Variants in PREX1 observed in about 807,000 individuals in gnomAD.
The protein encoded by PREX1 is phosphatidylinositol 3,4,5-trisphosphate-dependent Rac exchanger 1 protein.
Under a neutral mutation model 198.3 loss-of-function variants are expected in PREX1, and 41 were observed. The ratio of observed to expected loss-of-function variants is 0.21; its 90% CI spans 0.16 to 0.27. The LOEUF is 0.27. Ranked by LOEUF, PREX1 falls within the 10% of genes least tolerant of loss-of-function variation. PREX1 has a pLI of 1.00. For missense variants in PREX1, 1,620 were observed against 2,200.7 expected, an observed-to-expected ratio of 0.74 and a Z score of 5.28; for synonymous variants, 843 against 887.2, an observed-to-expected ratio of 0.95 and a Z score of 0.89.
chr20:48,877,259 G>A, the PREX1 span, among the ~76,000 whole-genome samples: 3 of 144,244 alleles, frequency 2.1e-5, no homozygotes, highest in Non-Finnish European at 3.0e-5. Context: ...CAACAAGAGC[G>A]AAACTCCATC....
chr20:48,665,012 A>G (rs1357521450), intron 15 of PREX1, among the ~76,000 whole-genome samples: 130 of 74,252 alleles, frequency 1.8e-3, no homozygotes, highest in East Asian at 3.7e-3. Flanking sequence ...TCTAATCCCG[A>G]CTCCAGACGG....
chr20:48,659,233 A>AAAGGAAGGAAGG (rs373009346), intron 16 of PREX1, among the ~76,000 whole-genome samples: 1,262 of 98,930 alleles, frequency 0.013, 23 homozygotes, highest in African/African-American at 0.027. Context: ...GAGAGAAAGA[A>AAAGGAAGGAAGG]AAGGAAGGAA....
At chr20:48,682,184 G>A (rs1038857733) in intron 10 of PREX1, among the ~76,000 whole-genome samples, 3 of 151,996 alleles carry the variant, frequency 2.0e-5, no homozygotes, top group Non-Finnish European at 4.4e-5. Context: ...TCCCTGCCTC[G>A]GGGCTGCTGC....
chr20:48,855,036 A>G, the PREX1 span, among the ~76,000 whole-genome samples: 2 of 152,178 alleles, frequency 1.3e-5, no homozygotes. Flanking sequence ...GCTTAGTAAT[A>G]ACATACTTAA....
intron 6 of PREX1, among the ~76,000 whole-genome samples, chr20:48,704,257 G>A (rs565550181): frequency 4.6e-5 from 7 of 152,304 alleles, no homozygotes; most frequent in Non-Finnish European, 7.3e-5. Context: ...AACTCAGGCC[G>A]CTCTTCGAAG....
At chr20:48,692,484 G>T in intron 8 of PREX1, 188 bp downstream of exon 8, 1 of 533,586 alleles carries the variant, frequency 1.9e-6, no homozygotes, top group Non-Finnish European at 3.4e-6. Flanking sequence ...GGGGTGCAGT[G>T]TTTTATTTCT....
At chr20:48,888,140 G>A in the PREX1 span, among the ~76,000 whole-genome samples, 5 of 152,148 alleles carry the variant, frequency 3.3e-5, no homozygotes, top group East Asian at 7.7e-4. Flanking sequence ...TCATTGTGCA[G>A]GGCGAAAAGC....
In PREX1 at chr20:48,661,468, T is replaced by TACAC. The variant is rs778376565; in HGVS notation, c.1739-1411_1739-1408dup. Among the ~76,000 whole-genome samples the TACAC allele has an allele frequency of 5.0e-3, 387 of 76,702 alleles. 3 individuals carry two copies. Among genetic ancestry groups the TACAC allele is most frequent in the Middle Eastern group, 8.6e-3 (1 of 116 alleles). 50.3% of individuals were successfully genotyped at this position (76,702 alleles called of 152,430 possible). Reference sequence around the variant, plus strand: ...AAATATATATATATATATATATATATACACACACATATATATAATATAATA... The same window carrying TACAC: ...AAATATATATATATATATATATATATACACACACACACATATATATAATATAATA... On this transcript the variant is annotated intron_variant, in intron 15 of 39. Coordinates refer to ENST00000371941, the MANE Select transcript of PREX1 (RefSeq NM_020820.4).
intron 6 of PREX1, among the ~76,000 whole-genome samples, chr20:48,703,123 G>A (rs937811019): frequency 2.4e-4 from 36 of 152,198 alleles, no homozygotes; most frequent in African/African-American, 4.3e-4. Flanking sequence ...AACTGGTTCC[G>A]GCAGCTGAGA....
chr20:48,678,177 G>C (rs559920331), intron 13 of PREX1, among the ~76,000 whole-genome samples: 1 of 152,222 alleles, frequency 6.6e-6, no homozygotes, highest in Admixed American at 6.5e-5. Context: ...AGCCGGGCCT[G>C]GTGGTAGGCA....
chr20:48,709,016 C>A (rs775140785), intron 5 of PREX1, among the ~76,000 whole-genome samples: 2 of 152,110 alleles, frequency 1.3e-5, no homozygotes, highest in Admixed American at 1.3e-4. Context: ...ATGAGAAGCC[C>A]CCTGCCCCCA....
At chr20:48,676,354 C>A in intron 13 of PREX1, 86 bp from the exon 14 acceptor site, 3 of 1,289,902 alleles carry the variant, frequency 2.3e-6, no homozygotes, top group Non-Finnish European at 3.4e-6. Flanking sequence ...CAGGACGTGC[C>A]CACGAGTCAA....
intron 2 of PREX1, among the ~76,000 whole-genome samples, chr20:48,746,637 G>C (rs2090108676): frequency 6.6e-6 from 1 of 152,098 alleles, no homozygotes; most frequent in Non-Finnish European, 1.5e-5. Context: ...GGCAGTTGGG[G>C]CTGGGAAATG....
chr20:48,821,517 A>C (rs889085719), intron 1 of PREX1, among the ~76,000 whole-genome samples: 2 of 151,960 alleles, frequency 1.3e-5, no homozygotes, highest in African/African-American at 4.8e-5. Context: ...GGGGCAGCCC[A>C]CCCTATCACC....
chr20:48,699,819 C>A (rs951018507), intron 7 of PREX1, among the ~76,000 whole-genome samples: 18 of 152,332 alleles, frequency 1.2e-4, no homozygotes, highest in Admixed American at 1.0e-3. Flanking sequence ...ATCCATTTCT[C>A]TAACTGCCTG....
chr20:48,751,985 C>T (rs1221672716), intron 1 of PREX1, among the ~76,000 whole-genome samples: 1 of 152,128 alleles, frequency 6.6e-6, no homozygotes, highest in Admixed American at 6.5e-5. Context: ...AGGGGAGGCA[C>T]AGACTGGAAA....
chr20:48,872,600 G>A, the PREX1 span, among the ~76,000 whole-genome samples: 1 of 152,100 alleles, frequency 6.6e-6, no homozygotes, highest in African/African-American at 2.4e-5. Context: ...TAAAAAATTA[G>A]CCGGGTATGG....
chr20:48,745,003 G>T, intron 3 of PREX1, 22 bp downstream of exon 3: 1 of 1,612,082 alleles, frequency 6.2e-7, no homozygotes, highest in South Asian at 1.1e-5. Flanking sequence ...GAGTCCACCA[G>T]GGGCAGTGGC....
chr20:48,733,983 T>C (rs1038599823), intron 4 of PREX1, among the ~76,000 whole-genome samples: 3 of 152,118 alleles, frequency 2.0e-5, no homozygotes, highest in African/African-American at 4.8e-5. Context: ...GAACTCCTGG[T>C]CTCAAGTGAT....
Sources: allele counts gnomAD v4.1 joint callset (sites outside exome capture counted in the v4.1 genomes callset), GRCh38; gene constraint gnomAD v4.1.1; transcripts MANE v1.5; gene names NCBI Gene and HGNC (gene_info 2026-07-23, HGNC 2026-07-21).